Variants in NLGN4X observed in about 807,000 individuals in gnomAD.
The protein encoded by NLGN4X is neuroligin-4, X-linked.
A neutral mutation model predicts 40.3 loss-of-function variants in NLGN4X; 3 were observed. That is an observed-to-expected ratio of 0.07 (90% CI 0.03 to 0.19). NLGN4X has a LOEUF of 0.19. Ranked by LOEUF, NLGN4X falls within the 10% of genes least tolerant of loss-of-function variation. NLGN4X has a pLI of 1.00. For synonymous variants in NLGN4X, 270 were observed against 306.8 expected (o/e 0.88, Z 1.25); for missense variants, 382 against 708.3 (o/e 0.54, Z 5.23).
chrX:6,021,077 C>T (rs113322913), intron 3 of NLGN4X, among the ~76,000 whole-genome samples: 909 of 20,827 alleles, frequency 0.044, 35 homozygotes, highest in Middle Eastern at 0.077. Context: ...TCCCTCCCTC[C>T]CTCTCTCTCT....
At chrX:6,071,792 G>C (rs915014999) in intron 2 of NLGN4X, among the ~76,000 whole-genome samples, 3 of 111,984 alleles carry the variant, frequency 2.7e-5, no homozygotes, top group Non-Finnish European at 3.8e-5. Context: ...TGCTTGGAGA[G>C]TGCTTTGTGA....
chrX:6,191,875 T>C (rs776772331), intron 1 of NLGN4X, among the ~76,000 whole-genome samples: 146 of 111,555 alleles, frequency 1.3e-3, no homozygotes, highest in Non-Finnish European at 2.5e-3. Flanking sequence ...AAAAAAAGTG[T>C]GTATGTACTT....
At chrX:6,026,904 G>C (rs1257266200) in intron 3 of NLGN4X, among the ~76,000 whole-genome samples, 2 of 106,241 alleles carry the variant, frequency 1.9e-5, no homozygotes, top group African/African-American at 7.5e-5. Flanking sequence ...GATTCACGAA[G>C]GGACAAAACT....
At chrX:6,049,309 TC>T (rs1370407404) in intron 2 of NLGN4X, among the ~76,000 whole-genome samples, 4 of 90,719 alleles carry the variant, frequency 4.4e-5, no homozygotes, top group Admixed American at 1.3e-4. Flanking sequence ...GCTGCTCTGA[TC>T]CTGTTTTCCT....
chrX:6,145,694 A>AT (rs1191754402), intron 2 of NLGN4X, among the ~76,000 whole-genome samples: 1,140 of 108,279 alleles, frequency 0.011, 15 homozygotes, highest in African/African-American at 0.036. Context: ...AAGCGAATAC[A>AT]TTTTTTTTTT....
At chrX:6,035,150 T>C (rs983837630) in intron 2 of NLGN4X, among the ~76,000 whole-genome samples, 1 of 112,508 alleles carries the variant, frequency 8.9e-6, no homozygotes, top group African/African-American at 3.2e-5. Flanking sequence ...TATTATTGAA[T>C]AGTAAGTGGT....
chrX:6,182,143 A>C (rs1017688134), intron 1 of NLGN4X, among the ~76,000 whole-genome samples: 1 of 111,844 alleles, frequency 8.9e-6, no homozygotes, highest in Non-Finnish European at 1.9e-5. Context: ...GAGACACAGG[A>C]TATGTAGACA....
chrX:6,119,785 C>T (rs893910533), intron 2 of NLGN4X, among the ~76,000 whole-genome samples: 4 of 110,704 alleles, frequency 3.6e-5, no homozygotes, highest in Admixed American at 1.9e-4. Context: ...CTTTACAGAG[C>T]GAGCAAATGT....
chrX:6,102,895 C>A (rs2038950252), intron 2 of NLGN4X, among the ~76,000 whole-genome samples: 1 of 111,176 alleles, frequency 9.0e-6, no homozygotes, highest in African/African-American at 3.3e-5. Context: ...ATCAGGAAGG[C>A]ATAGTGAGAC....
chrX:6,204,842 C>T (rs1923903880), intron 1 of NLGN4X, among the ~76,000 whole-genome samples: 1 of 111,716 alleles, frequency 9.0e-6, no homozygotes, highest in African/African-American at 3.3e-5. Flanking sequence ...GGGTTTAGCA[C>T]CTCCTTTCAG....
Position 5,903,377 on chromosome X carries a change from T to A in NLGN4X, c.1301A>T (p.Glu434Val). Residue 434 changes from glutamate to valine, a missense_variant, in exon 5 of 6, where the codon GAG becomes GTG. Glu to Val is a moderately radical substitution (Grantham distance 121). Coordinates refer to ENST00000381095, the MANE Select transcript of NLGN4X (RefSeq NM_181332.3). The part of the protein sequence containing the change: ...YTDWADKENP[E>V]TRRKTLVALF... ...AGCCACCAGGGTTTTCCGCCGCGTC[T>A]CCGGGTTTTCCTTATCGGCCCAGTC... 1 of 1,211,269 alleles carries A rather than the reference T, an allele frequency of 8.3e-7. No individual in the cohort carries two copies. The highest frequency in any genetic ancestry group is 1.1e-6 in the Non-Finnish European group (1 of 895,238).
intron 3 of NLGN4X, among the ~76,000 whole-genome samples, chrX:5,977,850 G>T (rs1448398347): frequency 8.9e-6 from 1 of 112,028 alleles, no homozygotes; most frequent in Non-Finnish European, 1.9e-5. Flanking sequence ...CAGAAGGACT[G>T]TGTTGGACAC....
intron 3 of NLGN4X, among the ~76,000 whole-genome samples, chrX:5,994,611 A>G (rs1402605345): frequency 8.9e-6 from 1 of 112,017 alleles, no homozygotes; most frequent in Non-Finnish European, 1.9e-5. Context: ...AATTTCATGT[A>G]TCTTTCATTT....
At chrX:6,119,238 G>A (rs2039368151) in intron 2 of NLGN4X, among the ~76,000 whole-genome samples, 1 of 111,816 alleles carries the variant, frequency 8.9e-6, no homozygotes, top group Admixed American at 9.5e-5. Context: ...GAATGCCTAT[G>A]TTGGGCAATC....
intron 1 of NLGN4X, among the ~76,000 whole-genome samples, chrX:6,163,702 C>T (rs2040445139): frequency 8.9e-6 from 1 of 111,786 alleles, no homozygotes; most frequent in South Asian, 3.8e-4. Flanking sequence ...AGGGGGTAAG[C>T]ATTGACATTC....
chrX:6,121,453 A>G (rs1038393256), intron 2 of NLGN4X, among the ~76,000 whole-genome samples: 2 of 112,015 alleles, frequency 1.8e-5, no homozygotes, highest in Non-Finnish European at 3.8e-5. Flanking sequence ...TCAGGCTCTC[A>G]TGCAATGAAA....
At chrX:6,103,611 T>C (rs1468300270) in intron 2 of NLGN4X, among the ~76,000 whole-genome samples, 1 of 111,677 alleles carries the variant, frequency 9.0e-6, no homozygotes, top group Non-Finnish European at 1.9e-5. Flanking sequence ...ATCGTACCTG[T>C]GCAGATGTGG....
At position 6,043,007 on chromosome X, in the gene NLGN4X, C is replaced by A. The variant is rs1239819401; in HGVS notation, c.473-13575G>T. ...ACAAGAATCACTAGAATCCAGGAGG[C>A]GGAGGCTGCAGTGAGCCAAGATCAC... On this transcript the variant is annotated intron_variant, in intron 2 of 5. Transcript: ENST00000381095. Among the ~76,000 whole-genome samples, 3 of 106,223 alleles carry A rather than the reference C, an allele frequency of 2.8e-5. No homozygotes were observed. In the Admixed American group the frequency reaches 3.1e-4, roughly 11 times the overall value. 92.2% of individuals were successfully genotyped at this position (106,223 alleles called of 115,157 possible).
intron 1 of NLGN4X, among the ~76,000 whole-genome samples, chrX:6,194,195 A>T (rs1446806286): frequency 9.0e-6 from 1 of 111,684 alleles, no homozygotes; most frequent in African/African-American, 3.3e-5. Context: ...AAAGATATAT[A>T]TATTAGGTTG....
Sources: allele counts gnomAD v4.1 joint callset (sites outside exome capture counted in the v4.1 genomes callset), GRCh38; gene constraint gnomAD v4.1.1; transcripts MANE v1.5; gene names NCBI Gene and HGNC (gene_info 2026-07-23, HGNC 2026-07-21).